The following MYRFL variants were observed in gnomAD, a reference collection of about 807,000 sequenced individuals.
The protein encoded by MYRFL is myelin regulatory factor like, also known as myelin regulatory factor-like protein.
A neutral mutation model predicts 109.4 loss-of-function variants in MYRFL; 88 were observed. The observed-to-expected ratio is 0.80, with a 90% CI of 0.68 to 0.96. The LOEUF (loss-of-function observed/expected upper bound fraction) is 0.96, where lower values mean the gene tolerates loss of function less well. Among genes scored for constraint, MYRFL ranks in the 40% least tolerant of loss-of-function variants. The pLI is 0.00. For missense variants in MYRFL, 957 were observed against 954.9 expected (o/e 1.00, Z -0.03); for synonymous variants, 324 against 320.9 (o/e 1.01, Z -0.10).
At chr12:69,924,956 G>A (rs1450100817) in intron 13 of MYRFL, among the ~76,000 whole-genome samples, 1 of 152,168 alleles carries the variant, frequency 6.6e-6, no homozygotes, top group African/African-American at 2.4e-5. Flanking sequence ...GTGGGCAAAG[G>A]CATGTGCTAA....
At chr12:69,929,196 G>A (rs1955192652) in intron 15 of MYRFL, among the ~76,000 whole-genome samples, 1 of 152,150 alleles carries the variant, frequency 6.6e-6, no homozygotes, top group Admixed American at 6.5e-5. Flanking sequence ...TGTGGGTGGG[G>A]TGTAAGCTGT....
intron 19 of MYRFL, among the ~76,000 whole-genome samples, chr12:69,944,237 A>T (rs1256853024): frequency 7.9e-6 from 1 of 126,726 alleles, no homozygotes; most frequent in African/African-American, 3.1e-5. Flanking sequence ...ATGCACACGT[A>T]TGTTTATTGC....
At chr12:69,884,169 G>T (rs1286303159) in intron 5 of MYRFL, among the ~76,000 whole-genome samples, 1 of 152,204 alleles carries the variant, frequency 6.6e-6, no homozygotes, top group Non-Finnish European at 1.5e-5. Context: ...GGAACAAAAG[G>T]ATTCTTACCT....
At chr12:69,855,768 A>G (rs1474025022) in intron 2 of MYRFL, among the ~76,000 whole-genome samples, 1 of 151,184 alleles carries the variant, frequency 6.6e-6, no homozygotes, top group Admixed American at 6.6e-5. Context: ...GTTGTTCTTG[A>G]TGTCAGTAAC....
chr12:69,848,172 T>C (rs1592696454), intron 1 of MYRFL, among the ~76,000 whole-genome samples: 3 of 152,102 alleles, frequency 2.0e-5, no homozygotes, highest in Admixed American at 2.0e-4. Flanking sequence ...GTTCAAAATA[T>C]TGGTCTGTTT....
At chr12:69,903,212 T>C (rs1049119394) in intron 10 of MYRFL, among the ~76,000 whole-genome samples, 2 of 152,248 alleles carry the variant, frequency 1.3e-5, no homozygotes, top group African/African-American at 4.8e-5. Flanking sequence ...ATAATAGGGC[T>C]AGCTAAATGC....
At chr12:69,870,227 ATTTTTTT>A (rs71094744) in intron 2 of MYRFL, among the ~76,000 whole-genome samples, 2 of 110,708 alleles carry the variant, frequency 1.8e-5, no homozygotes, top group Non-Finnish European at 3.5e-5. Context: ...CGTCTGGCTA[ATTTTTTT>A]TTTTTTTTTT....
chr12:69,923,137 T>G (rs1300199369), intron 13 of MYRFL, among the ~76,000 whole-genome samples: 1 of 152,218 alleles, frequency 6.6e-6, no homozygotes, highest in Non-Finnish European at 1.5e-5. Context: ...TCATGGTAAT[T>G]AGCCCTTTAA....
intron 8 of MYRFL, 54 bp downstream of exon 8, chr12:69,893,894 CTTTG>C (rs1444896731): frequency 3.9e-6 from 3 of 760,446 alleles, no homozygotes; most frequent in South Asian, 4.1e-5. Context: ...TAAACACCTA[CTTTG>C]TTTTTTATAT....
chr12:69,852,976 C>T (rs375971886), intron 1 of MYRFL, among the ~76,000 whole-genome samples: 5 of 152,226 alleles, frequency 3.3e-5, no homozygotes, highest in African/African-American at 4.8e-5. Context: ...GAGTCTCCTA[C>T]GTCTACTTCT....
chr12:69,923,745 A>G (rs1000683014), intron 13 of MYRFL, among the ~76,000 whole-genome samples: 28 of 152,130 alleles, frequency 1.8e-4, no homozygotes, highest in Non-Finnish European at 3.5e-4. Context: ...GGGCAGTCAA[A>G]TTACTATGTT....
chr12:69,919,745 A>G (rs1336940204), intron 13 of MYRFL, among the ~76,000 whole-genome samples: 1 of 152,190 alleles, frequency 6.6e-6, no homozygotes, highest in African/African-American at 2.4e-5. Flanking sequence ...TCCCGTTGGC[A>G]ATCATTTTTA....
chr12:69,914,416 C>T (rs1954669039), intron 13 of MYRFL, among the ~76,000 whole-genome samples: 1 of 152,146 alleles, frequency 6.6e-6, no homozygotes, highest in Non-Finnish European at 1.5e-5. Flanking sequence ...TGTCAGCAAG[C>T]TGCCAAGGTG....
intron 13 of MYRFL, among the ~76,000 whole-genome samples, chr12:69,915,273 G>A (rs775381415): frequency 1.3e-5 from 2 of 152,146 alleles, no homozygotes; most frequent in African/African-American, 2.4e-5. Flanking sequence ...TTGCCAGGAC[G>A]TCCTGGGCTT....
At chr12:69,829,455 T>C (rs1356462703) in intron 1 of MYRFL, among the ~76,000 whole-genome samples, 1 of 152,074 alleles carries the variant, frequency 6.6e-6, no homozygotes, top group African/African-American at 2.4e-5. Flanking sequence ...GGGATTAATC[T>C]AGAAGGGCTT....
chr12:69,829,843 A>G (rs1222438299), intron 1 of MYRFL, among the ~76,000 whole-genome samples: 1 of 152,196 alleles, frequency 6.6e-6, no homozygotes. Flanking sequence ...AATTTCTGAC[A>G]GAAGAGTCAG....
At chr12:69,826,692 A>T (rs1882299901) in intron 1 of MYRFL, among the ~76,000 whole-genome samples, 1 of 152,076 alleles carries the variant, frequency 6.6e-6, no homozygotes, top group African/African-American at 2.4e-5. Flanking sequence ...TCTGATCATT[A>T]TTATAAAAGT....
chr12:69,903,228 A>G (rs1240109205), intron 10 of MYRFL, among the ~76,000 whole-genome samples: 1 of 152,186 alleles, frequency 6.6e-6, no homozygotes, highest in Non-Finnish European at 1.5e-5. Flanking sequence ...AATGCAAGGT[A>G]TTTTTATTTA....
intron 16 of MYRFL, 125 bp downstream of exon 16, chr12:69,932,723 C>A (rs904894800): frequency 3.1e-6 from 2 of 653,560 alleles, no homozygotes; most frequent in Non-Finnish European, 5.2e-6. Context: ...AAACTAGACA[C>A]TGAACTCTGA....
Sources: allele counts gnomAD v4.1 joint callset (sites outside exome capture counted in the v4.1 genomes callset), GRCh38; gene constraint gnomAD v4.1.1; transcripts MANE v1.5; gene names NCBI Gene and HGNC (gene_info 2026-07-23, HGNC 2026-07-21).